ABI3BP: variants seen among roughly 807,000 people sequenced by gnomAD.
ABI3BP encodes the protein ABI family member 3 binding protein.
Under a neutral mutation model 268.6 loss-of-function variants are expected in ABI3BP, and 216 were observed. The ratio of observed to expected loss-of-function variants is 0.80; its 90% CI spans 0.72 to 0.90. The LOEUF (loss-of-function observed/expected upper bound fraction) is 0.90. Among genes scored for constraint, ABI3BP ranks in the 40% least tolerant of loss-of-function variants. The probability of loss-of-function intolerance (pLI) is 0.00; values close to 1 mark genes in which losing one functional copy is unlikely to be tolerated. For synonymous variants in ABI3BP, 730 were observed against 730.0 expected (o/e 1.00, Z 0.00); for missense variants, 2,090 against 2,182.4 (o/e 0.96, Z 0.84).
intron 55 of ABI3BP, among the ~76,000 whole-genome samples, chr3:100,790,087 T>C (rs2097157581): frequency 6.6e-6 from 1 of 151,956 alleles, no homozygotes; most frequent in African/African-American, 2.4e-5. Flanking sequence ...GAAAATGACA[T>C]CTGGTGCCCT....
At chr3:100,950,805 ATGCATG>A (rs1252476505) in intron 1 of ABI3BP, among the ~76,000 whole-genome samples, 1 of 151,898 alleles carries the variant, frequency 6.6e-6, no homozygotes, top group Non-Finnish European at 1.5e-5. Context: ...TAATCATCAT[ATGCATG>A]TACTTGATCT....
rs2099027922 is a variant in ABI3BP, at chr3:100,864,232, G to T, written c.1064-156C>A. ...TAACCTTCCCTGGAAAAGTTACATA[G>T]CTGTTAAAATATGAAGGTGTACATT... On this transcript the variant is annotated intron_variant, in intron 11 of 67. Transcript: ENST00000471714. 6.4e-6 allele frequency: 4 copies of T among 629,602 alleles called. No individual in the cohort carries two copies. In the East Asian group the frequency reaches 1.1e-4, roughly 17 times the overall value. 39.0% of individuals were successfully genotyped at this position (629,602 alleles called of 1,614,324 possible). A position where few individuals can be genotyped will look rare whatever the true frequency, so the allele number is the denominator to read the frequency against.
At chr3:100,921,148 A>G (rs2060093951) in intron 2 of ABI3BP, among the ~76,000 whole-genome samples, 1 of 152,230 alleles carries the variant, frequency 6.6e-6, no homozygotes, top group Non-Finnish European at 1.5e-5. Context: ...CAGCTGTGAG[A>G]ACACGAGAAT....
At chr3:100,878,754 A>C (rs1359142800) in intron 6 of ABI3BP, among the ~76,000 whole-genome samples, 1 of 147,238 alleles carries the variant, frequency 6.8e-6, no homozygotes, top group Non-Finnish European at 1.5e-5. Context: ...TCACGAGCCC[A>C]CCTTAAGAGA....
In ABI3BP at chr3:100,956,252, CACACACACAT is replaced by C. The variant is rs1336037796; in HGVS notation, c.80-29781_80-29772del. Among the ~76,000 whole-genome samples, 429 of 126,956 alleles carry C rather than the reference CACACACACAT, an allele frequency of 3.4e-3. 2 individuals are homozygous for C. The highest frequency in any genetic ancestry group is 7.7e-3 in the South Asian group (28 of 3,640). 83.3% of individuals were successfully genotyped at this position (126,956 alleles called of 152,430 possible). On this transcript the variant is annotated intron_variant, in intron 1 of 67. Coordinates refer to ENST00000471714, the MANE Select transcript of ABI3BP (RefSeq NM_001375547.2). Reference sequence around the variant, plus strand: ...ACACACACACACACACACACACACACACACACACATATGGCATGTCAAATGATGGGGTAGA... The same window carrying C: ...ACACACACACACACACACACACACACATGGCATGTCAAATGATGGGGTAGA...
intron 20 of ABI3BP, chr3:100,844,507 G>A: frequency 6.2e-6 from 6 of 970,332 alleles, no homozygotes; most frequent in Non-Finnish European, 7.4e-6. Flanking sequence ...CAGAAAAATA[G>A]AAGAGTGTGC....
intron 51 of ABI3BP, among the ~76,000 whole-genome samples, chr3:100,798,110 A>G (rs1560193844): frequency 6.6e-6 from 1 of 152,142 alleles, no homozygotes; most frequent in Non-Finnish European, 1.5e-5. Context: ...GGGATTAAGG[A>G]AAGGAGAAGC....
rs563400421 is a variant in ABI3BP at position 100,918,126 on chromosome 3, C to G, written c.259+8176G>C. Among the ~76,000 whole-genome samples, 12 of 152,172 alleles carry G rather than the reference C, an allele frequency of 7.9e-5. No individual in the cohort carries two copies. In the South Asian group the frequency reaches 2.3e-3, roughly 29 times the overall value. On this transcript the variant is annotated intron_variant, in intron 2 of 67. Coordinates refer to ENST00000471714, the MANE Select transcript of ABI3BP (RefSeq NM_001375547.2). ...CTTGAAGATTTAAAGCCAAATACTT[C>G]CCAAGTGGTAAATCTATTTCCAAAG...
At chr3:100,919,961 A>G (rs891740561) in intron 2 of ABI3BP, among the ~76,000 whole-genome samples, 10 of 152,214 alleles carry the variant, frequency 6.6e-5, no homozygotes, top group Non-Finnish European at 1.3e-4. Flanking sequence ...TTGATAATTA[A>G]GAGATAATAA....
At chr3:100,779,873 A>G (rs1238391010) in intron 58 of ABI3BP, among the ~76,000 whole-genome samples, 1 of 152,208 alleles carries the variant, frequency 6.6e-6, no homozygotes, top group Non-Finnish European at 1.5e-5. Context: ...GGTCCCTCAG[A>G]ACATTATAGC....
At position 100,862,300 on chromosome 3, in the gene ABI3BP, G is replaced by A. The variant is rs2099007088; in HGVS notation, c.1285+11C>T. The stretch of plus-strand genomic sequence containing the variant: ...TTATAATCGATTTTTTTAAGAAAAG[G>A]ATTTAATTACCAGTTTGAGGCTGCA... On this transcript the variant is annotated intron_variant, in intron 14 of 67. Coordinates refer to ENST00000471714, the MANE Select transcript of ABI3BP (RefSeq NM_001375547.2). 1 of 1,570,958 alleles carries A rather than the reference G, an allele frequency of 6.4e-7. No individual in the cohort carries two copies.
At chr3:100,772,833 C>G (rs565017364) in intron 61 of ABI3BP, among the ~76,000 whole-genome samples, 23 of 152,060 alleles carry the variant, frequency 1.5e-4, no homozygotes, top group Admixed American at 3.3e-4. Context: ...AATCCCAGCA[C>G]TTTGGGAGGC....
At chr3:100,906,090 T>G (rs2153525390) in intron 2 of ABI3BP, among the ~76,000 whole-genome samples, 1 of 152,298 alleles carries the variant, frequency 6.6e-6, no homozygotes, top group South Asian at 2.1e-4. Context: ...TCCTAAATTG[T>G]TCTCACTCTA....
At position 100,832,295 on chromosome 3, in the gene ABI3BP, C is replaced by A; in HGVS notation, c.2370G>T (p.Thr790=). The A allele has an allele frequency of 5.2e-6, 8 of 1,535,438 alleles. No individual in the cohort carries two copies. The highest frequency in any genetic ancestry group is 2.4e-5 in the East Asian group (1 of 40,888). Residue 790 remains threonine (T), a synonymous_variant, in exon 31 of 68, where the codon ACG becomes ACT. Transcript: ENST00000471714. ...TAGTTTGAGGTACTTCTGGATGGGG[C>A]GTGGTTTTAGGTTTGGGATGTGGAC... ...TRRPHPKPKT[T]PHPEVPQTKL... is the part of the protein sequence containing the mutation.
chr3:100,990,207 C>T (rs1009482974), intron 1 of ABI3BP, among the ~76,000 whole-genome samples: 14 of 152,166 alleles, frequency 9.2e-5, no homozygotes, highest in Non-Finnish European at 2.1e-4. Context: ...ATGTGTTATT[C>T]GGTGTGCATG....
At chr3:100,878,517 G>T (rs991818512) in intron 6 of ABI3BP, among the ~76,000 whole-genome samples, 1 of 152,182 alleles carries the variant, frequency 6.6e-6, no homozygotes, top group Non-Finnish European at 1.5e-5. Context: ...GAGGAATGAC[G>T]CAGATATAAT....
chr3:100,795,850 A>C lies in ABI3BP; in HGVS notation c.3819T>G (p.Val1273=), dbSNP rs1252053707. ...CAAATCTAAAGGTAACAGGCTGCAG[A>C]ACTATGCCAAAAGCAAGCCAAAGGA... The part of the protein sequence containing the change: ...PYPEVSQSEP[V]LQPVTFRFEP... The change falls in exon 53 of 68, where the codon GTT becomes GTG. Residue 1273 remains valine (V), a splice_region_variant and synonymous_variant. Coordinates refer to ENST00000471714, the MANE Select transcript of ABI3BP (RefSeq NM_001375547.2). The C allele has an allele frequency of 7.8e-7, 1 of 1,286,604 alleles. No homozygotes were observed. Among genetic ancestry groups the C allele is most frequent in the Non-Finnish European group, 1.0e-6 (1 of 987,940 alleles). The allele number at this position is 1,286,604 out of a possible 1,614,324, so 79.7% of individuals were successfully genotyped here. A position where few individuals can be genotyped will look rare whatever the true frequency, so the allele number is the denominator to read the frequency against.
chr3:100,835,316 A>G (rs1191959979), intron 28 of ABI3BP, among the ~76,000 whole-genome samples: 1 of 152,234 alleles, frequency 6.6e-6, no homozygotes, highest in Admixed American at 6.5e-5. Flanking sequence ...CAGTTTTAAC[A>G]TAGAACACTA....
intron 40 of ABI3BP, 24 bp downstream of exon 40, chr3:100,820,196 C>T (rs112893402): frequency 6.6e-7 from 1 of 1,523,518 alleles, no homozygotes; most frequent in African/African-American, 1.4e-5. Flanking sequence ...GGATGAGCTA[C>T]TTTAACCAGA....
Sources: gnomAD v4.1 joint callset for allele counts (sites outside exome capture counted in the v4.1 genomes callset) on GRCh38, gnomAD v4.1.1 for gene constraint, MANE v1.5 for transcripts, NCBI Gene and HGNC (gene_info 2026-07-23, HGNC 2026-07-21) for gene names.